HNRNPC: variants seen among roughly 807,000 people sequenced by gnomAD.
HNRNPC encodes heterogeneous nuclear ribonucleoproteins C1/C2.
A neutral mutation model predicts 33.2 loss-of-function variants in HNRNPC; 3 were observed. The observed-to-expected ratio is 0.09, with a 90% CI of 0.04 to 0.23. The LOEUF is 0.23. HNRNPC is among the 10% of genes least tolerant of loss of function. HNRNPC has a pLI of 1.00. For missense variants in HNRNPC, 143 were observed against 366.7 expected (o/e 0.39, Z 4.98); for synonymous variants, 121 against 126.7 (o/e 0.96, Z 0.30).
intron 2 of HNRNPC, among the ~76,000 whole-genome samples, chr14:21,242,258 G>T (rs906788308): frequency 2.0e-5 from 3 of 152,194 alleles, no homozygotes; most frequent in African/African-American, 7.2e-5. Flanking sequence ...GCCAAGGCAG[G>T]AAGATCACGA....
intron 2 of HNRNPC, among the ~76,000 whole-genome samples, chr14:21,257,196 T>A (rs934355083): frequency 1.3e-5 from 2 of 152,194 alleles, no homozygotes; most frequent in African/African-American, 4.8e-5. Context: ...AAGAAAAGTA[T>A]AGGCTGTTGA....
chr14:21,248,501 C>A (rs1896250380), intron 2 of HNRNPC, among the ~76,000 whole-genome samples: 1 of 152,100 alleles, frequency 6.6e-6, no homozygotes, highest in Admixed American at 6.6e-5. Flanking sequence ...ACAAGGTACA[C>A]AAAACACTGG....
chr14:21,257,563 A>G (rs1456601342), intron 2 of HNRNPC, among the ~76,000 whole-genome samples: 2 of 143,284 alleles, frequency 1.4e-5, no homozygotes, highest in South Asian at 2.1e-4. Flanking sequence ...AAGTCTTAGA[A>G]AAAAAAAAAA....
At chr14:21,213,198 A>G (rs1222916663) in intron 5 of HNRNPC, 81 bp from the exon 6 acceptor site, 2 of 1,371,080 alleles carry the variant, frequency 1.5e-6, no homozygotes, top group Non-Finnish European at 2.0e-6. Flanking sequence ...GATAAATAGT[A>G]AGTGAATATT....
chr14:21,261,654 G>C (rs1304323480), intron 2 of HNRNPC, among the ~76,000 whole-genome samples: 1 of 152,102 alleles, frequency 6.6e-6, no homozygotes, highest in African/African-American at 2.4e-5. Flanking sequence ...CAACACTTTG[G>C]GGGTGTCAAG....
chr14:21,255,420 T>C (rs1021312729), intron 2 of HNRNPC, among the ~76,000 whole-genome samples: 8 of 152,366 alleles, frequency 5.3e-5, no homozygotes, highest in South Asian at 2.1e-4. Flanking sequence ...CAGTAGAGAA[T>C]ACATATTTTT....
intron 5 of HNRNPC, among the ~76,000 whole-genome samples, chr14:21,215,405 T>C (rs1892047989): frequency 1.3e-5 from 2 of 152,206 alleles, no homozygotes; most frequent in Admixed American, 1.3e-4. Context: ...ATGAGAAAGC[T>C]ATACAATAGA....
At chr14:21,267,526 G>A (rs1702102498) in intron 1 of HNRNPC, among the ~76,000 whole-genome samples, 1 of 151,466 alleles carries the variant, frequency 6.6e-6, no homozygotes, top group South Asian at 2.1e-4. Context: ...AAGTATTCCC[G>A]AGAGTGGCAC....
chr14:21,223,794 A>G (rs918208432), intron 5 of HNRNPC, among the ~76,000 whole-genome samples: 8 of 152,106 alleles, frequency 5.3e-5, no homozygotes, highest in Non-Finnish European at 7.4e-5. Flanking sequence ...ATTTGTTCCA[A>G]AAGTGTATAC....
rs757757104 is a variant in HNRNPC at position 21,234,131 on chromosome 14, C to A, written c.63G>T (p.Gly21=). Residue 21 remains glycine, a synonymous_variant, in exon 3 of 9, where the codon GGG becomes GGT. Transcript: ENST00000553300. ...PRSMNSRVFI[G]NLNTLVVKKS... Reference sequence around the variant, plus strand: ...TCTTGACCACAAGAGTGTTGAGATTCCCAATGAATACACGGGAGTTCATGG... The same window carrying A: ...TCTTGACCACAAGAGTGTTGAGATTACCAATGAATACACGGGAGTTCATGG... The A allele has an allele frequency of 5.0e-6, 8 of 1,614,038 alleles. No individual in the cohort carries two copies. Among genetic ancestry groups the A allele is most frequent in the Non-Finnish European group, 6.8e-6 (8 of 1,179,960 alleles).
chr14:21,268,447 T>C (rs544732026), intron 1 of HNRNPC, among the ~76,000 whole-genome samples: 4 of 152,318 alleles, frequency 2.6e-5, no homozygotes, highest in South Asian at 2.1e-4. Flanking sequence ...TTGGCAAAGA[T>C]TGCAATACAG....
intron 2 of HNRNPC, among the ~76,000 whole-genome samples, chr14:21,254,893 G>A (rs1876883382): frequency 6.7e-6 from 1 of 149,474 alleles, no homozygotes; most frequent in Non-Finnish European, 1.5e-5. Flanking sequence ...TTGCACTCCA[G>A]CCTGGGCAAC....
chr14:21,266,365 C>CTGGGATTACAGGCA (rs1161440929), intron 1 of HNRNPC, among the ~76,000 whole-genome samples: 1 of 152,118 alleles, frequency 6.6e-6, no homozygotes, highest in Non-Finnish European at 1.5e-5. Flanking sequence ...TCCCAAAGTG[C>CTGGGATTACAGGCA]TGGGATTACA....
At chr14:21,243,445 CAA>C (rs1192471586) in intron 2 of HNRNPC, among the ~76,000 whole-genome samples, 9 of 152,038 alleles carry the variant, frequency 5.9e-5, no homozygotes, top group Non-Finnish European at 1.3e-4. Context: ...ATATTGTGTT[CAA>C]AAGTTTTCTT....
chr14:21,265,295 G>C (rs374377217), intron 1 of HNRNPC: 1 of 152,110 alleles, frequency 6.6e-6, no homozygotes, highest in East Asian at 1.9e-4. Context: ...CCCAAACCTG[G>C]TAATCAATTT....
At chr14:21,258,869 T>C (rs1877690832) in intron 2 of HNRNPC, among the ~76,000 whole-genome samples, 2 of 152,202 alleles carry the variant, frequency 1.3e-5, no homozygotes, top group African/African-American at 2.4e-5. Flanking sequence ...GGATGATTAT[T>C]TTCTTCAAGA....
chr14:21,240,188 C>T (rs150029961), intron 2 of HNRNPC, among the ~76,000 whole-genome samples: 3,614 of 152,146 alleles, frequency 0.024, 57 homozygotes, highest in Non-Finnish European at 0.036. Flanking sequence ...AAGAAATTTC[C>T]TGAATATAGA....
chr14:21,230,023 C>T (rs1566612654), intron 5 of HNRNPC, among the ~76,000 whole-genome samples: 1 of 152,166 alleles, frequency 6.6e-6, no homozygotes, highest in Admixed American at 6.5e-5. Flanking sequence ...AGTTCTAAAT[C>T]TGTTACCCAA....
At chr14:21,238,051 G>T (rs1189813340) in intron 2 of HNRNPC, among the ~76,000 whole-genome samples, 1 of 152,180 alleles carries the variant, frequency 6.6e-6, no homozygotes, top group African/African-American at 2.4e-5. Flanking sequence ...GATTACAGGT[G>T]AAAGCCACTG....
Sources: gnomAD v4.1 joint callset for allele counts (sites outside exome capture counted in the v4.1 genomes callset) on GRCh38, gnomAD v4.1.1 for gene constraint, MANE v1.5 for transcripts, NCBI Gene and HGNC (gene_info 2026-07-23, HGNC 2026-07-21) for gene names.